Variants in SLC24A2 observed in about 807,000 individuals in gnomAD.
The protein encoded by SLC24A2 is solute carrier family 24 member 2.
SLC24A2 carries 36 observed loss-of-function variants against 62.0 expected under a neutral mutation model. That is an observed-to-expected ratio of 0.58 (90% CI 0.44 to 0.77). The LOEUF is 0.77. SLC24A2 is among the 30% of genes least tolerant of loss of function. The probability of loss-of-function intolerance (pLI) is 0.00; values close to 1 mark genes in which losing one functional copy is unlikely to be tolerated. For missense variants in SLC24A2, 846 were observed against 817.9 expected, an observed-to-expected ratio of 1.03 and a Z score of -0.42; for synonymous variants, 358 against 294.0, an observed-to-expected ratio of 1.22 and a Z score of -2.23.
chr9:19,710,666 T>C (rs1448084005), intron 2 of SLC24A2, among the ~76,000 whole-genome samples: 1 of 152,138 alleles, frequency 6.6e-6, no homozygotes. Flanking sequence ...AGCCTGGTCA[T>C]GAATGGGCCT....
chr9:20,010,688 C>A, the SLC24A2 span, among the ~76,000 whole-genome samples: 2 of 151,710 alleles, frequency 1.3e-5, 1 homozygote. Context: ...TATACATGTG[C>A]CATGTTGGTG....
At chr9:19,520,268 C>G (rs1833128430) in intron 10 of SLC24A2, among the ~76,000 whole-genome samples, 1 of 152,140 alleles carries the variant, frequency 6.6e-6, no homozygotes, top group Non-Finnish European at 1.5e-5. Context: ...TTACTTTTGA[C>G]AAGTTAAATA....
At chr9:19,739,011 T>C (rs1821594186) in intron 2 of SLC24A2, among the ~76,000 whole-genome samples, 1 of 151,952 alleles carries the variant, frequency 6.6e-6, no homozygotes. Flanking sequence ...CAGCTACTCA[T>C]GAGGCTGAGG....
At chr9:20,099,300 C>T in the SLC24A2 span, among the ~76,000 whole-genome samples, 14 of 152,288 alleles carry the variant, frequency 9.2e-5, 1 homozygote, top group East Asian at 3.9e-4. Context: ...TGCCATTTGA[C>T]GATTACAAAT....
At chr9:19,919,086 C>A in the SLC24A2 span, among the ~76,000 whole-genome samples, 7 of 152,170 alleles carry the variant, frequency 4.6e-5, no homozygotes, top group African/African-American at 1.4e-4. Flanking sequence ...TTCAGGAGAA[C>A]TTTTATTACC....
At chr9:20,291,394 G>C in the SLC24A2 span, among the ~76,000 whole-genome samples, 1 of 152,182 alleles carries the variant, frequency 6.6e-6, no homozygotes, top group African/African-American at 2.4e-5. Context: ...CATGAACAAA[G>C]AAATGGCAGA....
intron 2 of SLC24A2, among the ~76,000 whole-genome samples, chr9:19,772,256 T>A (rs995827777): frequency 6.6e-6 from 1 of 152,130 alleles, no homozygotes; most frequent in Non-Finnish European, 1.5e-5. Context: ...CTCCTCCAAT[T>A]CTTAGCTTCA....
At chr9:20,100,031 C>CT in the SLC24A2 span, among the ~76,000 whole-genome samples, 3 of 148,420 alleles carry the variant, frequency 2.0e-5, no homozygotes, top group African/African-American at 7.5e-5. Flanking sequence ...CTTTTTTTTT[C>CT]TTTTTTAGAC....
At chr9:19,789,419 G>C (rs1254743292), upstream of SLC24A2, among the ~76,000 whole-genome samples, 1 of 152,212 alleles carries the variant, frequency 6.6e-6, no homozygotes, top group African/African-American at 2.4e-5. Context: ...ATGTGTAATG[G>C]TGGAAAAGAC....
the SLC24A2 span, among the ~76,000 whole-genome samples, chr9:19,877,102 T>C: frequency 2.6e-4 from 40 of 151,870 alleles, no homozygotes; most frequent in African/African-American, 8.7e-4. Flanking sequence ...TATTACGCCA[T>C]TGTCTGAAAG....
At chr9:19,979,617 G>C in the SLC24A2 span, among the ~76,000 whole-genome samples, 1 of 151,880 alleles carries the variant, frequency 6.6e-6, no homozygotes, top group South Asian at 2.1e-4. Context: ...CTCTAGCATC[G>C]ATCTCTACAA....
At chr9:20,214,157 AT>A in the SLC24A2 span, among the ~76,000 whole-genome samples, 1 of 152,198 alleles carries the variant, frequency 6.6e-6, no homozygotes, top group South Asian at 2.1e-4. Flanking sequence ...TAGTGCTTCA[AT>A]GAACATAGTC....
chr9:20,210,221 G>C, the SLC24A2 span, among the ~76,000 whole-genome samples: 3,142 of 152,290 alleles, frequency 0.021, 58 homozygotes, highest in South Asian at 0.052. Context: ...TACACACCCA[G>C]ACCCAGCACC....
the SLC24A2 span, among the ~76,000 whole-genome samples, chr9:19,877,762 G>C: frequency 6.6e-6 from 1 of 152,174 alleles, no homozygotes; most frequent in East Asian, 1.9e-4. Context: ...TGGATATTTG[G>C]ATTCTTGCTT....
chr9:19,672,069 A>T (rs1819434475), intron 2 of SLC24A2, among the ~76,000 whole-genome samples: 1 of 146,458 alleles, frequency 6.8e-6, no homozygotes, highest in African/African-American at 2.7e-5. Flanking sequence ...CCGGCTTCAC[A>T]GAATGATTTA....
At chr9:19,904,506 A>G in the SLC24A2 span, among the ~76,000 whole-genome samples, 645 of 152,364 alleles carry the variant, frequency 4.2e-3, 3 homozygotes, top group African/African-American at 0.015. Flanking sequence ...GAGATTAATC[A>G]GAGGTGGAAA....
At position 19,509,583 on chromosome 9, in the gene SLC24A2, T is replaced by G. The variant is rs1194525514; in HGVS notation, c.*6570A>C. On this transcript the variant is annotated 3_prime_UTR_variant, in exon 11 of 11. Coordinates refer to ENST00000341998, the MANE Select transcript of SLC24A2 (RefSeq NM_020344.4). ...ATTAAAAAACCCAAAAGGCATCCATTGTCCTTCAGTTTTATTCTGATAAGA... is the reference window on the plus strand; with the variant it reads ...ATTAAAAAACCCAAAAGGCATCCATGGTCCTTCAGTTTTATTCTGATAAGA... 6.6e-6 allele frequency: 1 copy of G among 152,192 alleles called. No homozygotes were observed. Among genetic ancestry groups the G allele is most frequent in the Non-Finnish European group, 1.5e-5 (1 of 68,026 alleles). 9.4% of individuals were successfully genotyped at this position (152,192 alleles called of 1,614,324 possible).
the SLC24A2 span, among the ~76,000 whole-genome samples, chr9:19,863,918 T>C: frequency 6.6e-6 from 1 of 151,424 alleles, no homozygotes; most frequent in African/African-American, 2.4e-5. Context: ...TTTTAAAAAG[T>C]TAAACAAAAT....
chr9:19,837,531 C>T, the SLC24A2 span, among the ~76,000 whole-genome samples: 21 of 147,070 alleles, frequency 1.4e-4, no homozygotes, highest in Non-Finnish European at 3.0e-4. Flanking sequence ...CTTCCCTCAC[C>T]ACTCCTATTC....
Sources: gnomAD v4.1 joint callset for allele counts (sites outside exome capture counted in the v4.1 genomes callset) on GRCh38, gnomAD v4.1.1 for gene constraint, MANE v1.5 for transcripts, NCBI Gene and HGNC (gene_info 2026-07-23, HGNC 2026-07-21) for gene names.